Variants in YPEL2 observed in about 807,000 individuals in gnomAD.
YPEL2 encodes protein yippee-like 2.
Under a neutral mutation model 19.1 loss-of-function variants are expected in YPEL2, and 2 were observed. That is an observed-to-expected ratio of 0.10 (90% CI 0.04 to 0.33). The LOEUF is 0.33. YPEL2 is among the 10% of genes least tolerant of loss of function. The pLI, the probability that YPEL2 is intolerant of heterozygous loss-of-function variation, is 1.00. For synonymous variants in YPEL2, 52 were observed against 50.0 expected (o/e 1.04, Z -0.17); for missense variants, 66 against 140.7 (o/e 0.47, Z 2.68).
intron 1 of YPEL2, among the ~76,000 whole-genome samples, chr17:59,346,368 T>C (rs1021218071): frequency 6.6e-6 from 1 of 152,224 alleles, no homozygotes; most frequent in African/African-American, 2.4e-5. Context: ...GTGTAAAGAA[T>C]AGGCATGGAT....
chr17:59,388,000 C>T (rs1372801570), intron 2 of YPEL2, among the ~76,000 whole-genome samples: 1 of 152,114 alleles, frequency 6.6e-6, no homozygotes, highest in Non-Finnish European at 1.5e-5. Flanking sequence ...AACGCCAATG[C>T]GGATTAATGA....
At chr17:59,351,269 G>A (rs2047786145) in intron 1 of YPEL2, among the ~76,000 whole-genome samples, 1 of 152,092 alleles carries the variant, frequency 6.6e-6, no homozygotes, top group Non-Finnish European at 1.5e-5. Context: ...TAGGTACATG[G>A]GAGGCTAAGG....
rs2047795551 is a variant in YPEL2 at position 59,353,119 on chromosome 17, T to C, written c.-195-96T>C. The C allele has an allele frequency of 3.7e-6, 1 of 269,626 alleles. No homozygotes were observed. The highest frequency in any genetic ancestry group is 2.2e-5 in the African/African-American group (1 of 45,290). 16.7% of individuals were successfully genotyped at this position (269,626 alleles called of 1,614,324 possible). On this transcript the variant is annotated intron_variant, in intron 1 of 4. Coordinates refer to ENST00000312655, the MANE Select transcript of YPEL2 (RefSeq NM_001005404.4). This position sits in a 1 kb window ranked among gnomAD's most constrained non-coding sequence, Gnocchi z 4.8. ...GAAGTGGGTCATTTGATCCTGTCAG[T>C]GTTGCCTTCTTCATGGGTGGCAGTT... is the stretch of plus-strand genomic sequence containing the variant.
intron 2 of YPEL2, among the ~76,000 whole-genome samples, chr17:59,365,465 C>T (rs1182757941): frequency 6.6e-6 from 1 of 152,182 alleles, no homozygotes; most frequent in Non-Finnish European, 1.5e-5. Context: ...CCGAGGACCT[C>T]AGTTGGCTGT....
At chr17:59,332,648 C>T (rs1237445850) in intron 1 of YPEL2, among the ~76,000 whole-genome samples, 1 of 152,194 alleles carries the variant, frequency 6.6e-6, no homozygotes, top group East Asian at 1.9e-4. Context: ...ACCTGTTCTT[C>T]TGGACTTCTT....
In YPEL2 at chr17:59,397,226, A is replaced by G. The variant is rs1229688031; in HGVS notation, c.*36A>G. On this transcript the variant is annotated 3_prime_UTR_variant, in exon 5 of 5. Coordinates refer to ENST00000312655, the MANE Select transcript of YPEL2 (RefSeq NM_001005404.4). ...TCTACCCAACCCAGTGTCCACGTGA[A>G]CGCCATTCAACCGAACATTCTTCCC... is the stretch of plus-strand genomic sequence containing the variant. 6.7e-7 allele frequency: 1 copy of G among 1,487,382 alleles called. No individual in the cohort carries two copies. The highest frequency in any genetic ancestry group is 9.1e-7 in the Non-Finnish European group (1 of 1,094,234). The allele number at this position is 1,487,382 out of a possible 1,614,324, so 92.1% of individuals were successfully genotyped here.
At chr17:59,377,570 C>A (rs1203492153) in intron 2 of YPEL2, among the ~76,000 whole-genome samples, 1 of 152,240 alleles carries the variant, frequency 6.6e-6, no homozygotes, top group African/African-American at 2.4e-5. Context: ...CACTCCCTCT[C>A]TGCAGGATGC....
rs114534842 is a variant in YPEL2 at position 59,346,916 on chromosome 17, G to A, written c.-195-6299G>A. On this transcript the variant is annotated intron_variant, in intron 1 of 4. Transcript: ENST00000312655. Reference sequence around the variant, plus strand: ...TGGAAGCGTAAAGTGCAAGCGTGGTGTACTGAGGGGACCTACAAGGAGTGG... The same window carrying A: ...TGGAAGCGTAAAGTGCAAGCGTGGTATACTGAGGGGACCTACAAGGAGTGG... Among the ~76,000 whole-genome samples, 1,400 of 152,250 alleles carry A rather than the reference G, an allele frequency of 9.2e-3. 27 individuals are homozygous for A. Among genetic ancestry groups the A allele is most frequent in the African/African-American group, 0.032 (1,310 of 41,510 alleles).
chr17:59,363,311 CTTT>C (rs561707297), intron 2 of YPEL2: 10 of 135,206 alleles, frequency 7.4e-5, no homozygotes, highest in East Asian at 2.1e-4. Flanking sequence ...TTTTTTTTTT[CTTT>C]TTTTTTTTTT....
intron 1 of YPEL2, among the ~76,000 whole-genome samples, chr17:59,349,152 T>C (rs1416523080): frequency 2.9e-4 from 35 of 119,734 alleles, no homozygotes; most frequent in African/African-American, 8.8e-4. Context: ...CCAGCCTGGG[T>C]GACAGAGCGA....
intron 1 of YPEL2, among the ~76,000 whole-genome samples, chr17:59,333,251 C>T (rs980673588): frequency 6.6e-6 from 1 of 152,208 alleles, no homozygotes. Context: ...GCTGTGCAGA[C>T]TTCCCCCTTG....
At chr17:59,383,748 A>C (rs1262680123) in intron 2 of YPEL2, among the ~76,000 whole-genome samples, 3 of 148,442 alleles carry the variant, frequency 2.0e-5, no homozygotes, top group African/African-American at 7.4e-5. Flanking sequence ...ATCTCTTACT[A>C]ACTCTTATAG....
chr17:59,372,633 T>C (rs2047902332), intron 2 of YPEL2, among the ~76,000 whole-genome samples: 1 of 152,194 alleles, frequency 6.6e-6, no homozygotes, highest in Non-Finnish European at 1.5e-5. Flanking sequence ...GAAATATTTG[T>C]GCATTGAAGA....
intron 2 of YPEL2, among the ~76,000 whole-genome samples, chr17:59,373,655 G>C (rs1000401603): frequency 3.3e-5 from 5 of 152,180 alleles, no homozygotes; most frequent in Non-Finnish European, 1.5e-5. Flanking sequence ...ATTTCTTCAT[G>C]TGGCCCTATC....
chr17:59,338,164 C>T (rs996527203), intron 1 of YPEL2, among the ~76,000 whole-genome samples: 1 of 152,136 alleles, frequency 6.6e-6, no homozygotes, highest in African/African-American at 2.4e-5. Context: ...GGCTTTGATT[C>T]GAAACTGGAT....
intron 1 of YPEL2, among the ~76,000 whole-genome samples, chr17:59,334,297 T>A (rs1297244396): frequency 6.6e-6 from 1 of 150,978 alleles, no homozygotes; most frequent in Non-Finnish European, 1.5e-5. Context: ...GATTCACAAT[T>A]GGCCAGCTGA....
chr17:59,351,889 C>T (rs1308269738), intron 1 of YPEL2, among the ~76,000 whole-genome samples: 1 of 152,136 alleles, frequency 6.6e-6, no homozygotes, highest in Non-Finnish European at 1.5e-5. Context: ...GTCCTTCAGC[C>T]TAGTGCTAGT....
intron 1 of YPEL2, among the ~76,000 whole-genome samples, chr17:59,340,990 C>T (rs1342858632): frequency 6.7e-6 from 1 of 148,648 alleles, no homozygotes; most frequent in African/African-American, 2.5e-5. Flanking sequence ...GCTGGGATTA[C>T]AGGCTTGAGC....
At chr17:59,372,548 C>T (rs2047901951) in intron 2 of YPEL2, among the ~76,000 whole-genome samples, 1 of 152,220 alleles carries the variant, frequency 6.6e-6, no homozygotes, top group South Asian at 2.1e-4. Context: ...TGTTTAGAAA[C>T]TAACAAGTTC....
Sources: gnomAD v4.1 joint callset for allele counts (sites outside exome capture counted in the v4.1 genomes callset) on GRCh38, gnomAD v4.1.1 for gene constraint, Gnocchi (gnomAD v3.1) non-coding constraint, MANE v1.5 for transcripts, NCBI Gene and HGNC (gene_info 2026-07-23, HGNC 2026-07-21) for gene names.